Variants in TTC32 observed in about 807,000 individuals in gnomAD.
TTC32 encodes tetratricopeptide repeat protein 32.
Under a neutral mutation model 15.3 loss-of-function variants are expected in TTC32, and 16 were observed. That is an observed-to-expected ratio of 1.05 (90% confidence interval 0.71 to 1.59). The LOEUF (loss-of-function observed/expected upper bound fraction) is 1.59. TTC32 is among the 40% of genes most tolerant of loss of function. The pLI, the probability that TTC32 is intolerant of heterozygous loss-of-function variation, is 0.00. For missense variants in TTC32, 188 were observed against 181.9 expected, an observed-to-expected ratio of 1.03 and a Z score of -0.19; for synonymous variants, 89 against 67.8, an observed-to-expected ratio of 1.31 and a Z score of -1.53.
Position 19,897,001 on chromosome 2 carries a change from C to G in TTC32, c.442G>C (p.Ala148Pro). Residue 148 changes from alanine (A) to proline (P), a missense_variant, in exon 3 of 3, where the codon GCA becomes CCA. Coordinates refer to ENST00000333610, the MANE Select transcript of TTC32 (RefSeq NM_001008237.3). ...AGTTAAAAATATCAATAATTTTTTG[C>G]AACATTTCTTCTTTGTTTTTCTTCT... ...DKEEKQRRNV[A>P]KNY The G allele has an allele frequency of 6.3e-7, 1 of 1,580,172 alleles. No individual in the cohort carries two copies. Among genetic ancestry groups the G allele is most frequent in the East Asian group, 2.3e-5 (1 of 43,632 alleles).
In TTC32 at chr2:19,901,983, T is replaced by A; in HGVS notation, c.-129A>T. On this transcript the variant is annotated 5_prime_UTR_variant, in exon 1 of 3. Coordinates refer to ENST00000333610, the MANE Select transcript of TTC32 (RefSeq NM_001008237.3). Reference sequence around the variant, plus strand: ...CCAACCTTGGCGCTAGGTTTGTGCCTTATGGGGATCCGTCGTCTCGCGAGA... The same window carrying A: ...CCAACCTTGGCGCTAGGTTTGTGCCATATGGGGATCCGTCGTCTCGCGAGA... The A allele has an allele frequency of 8.7e-7, 1 of 1,151,218 alleles. No individual in the cohort carries two copies. The highest frequency in any genetic ancestry group is 1.2e-6 in the Non-Finnish European group (1 of 816,476). 71.3% of individuals were successfully genotyped at this position (1,151,218 alleles called of 1,614,324 possible).
intron 1 of TTC32, chr2:19,901,188 C>T (rs946598016): frequency 2.5e-6 from 1 of 407,486 alleles, no homozygotes; most frequent in African/African-American, 2.1e-5. Context: ...GTTCGTTATG[C>T]TCTCTTCCAC....
In TTC32 at chr2:19,901,894, A is replaced by G. The variant is rs1669614554; in HGVS notation, c.-40T>C. 1 of 1,610,682 alleles carries G rather than the reference A, an allele frequency of 6.2e-7. No homozygotes were observed. Among genetic ancestry groups the G allele is most frequent in the African/African-American group, 1.3e-5 (1 of 74,822 alleles). Reference sequence around the variant, plus strand: ...AGTTTTCGGTGTAGAATGGGGGTTGACCTCCGAGCGGTTAGAGGTGGCACC... The same window carrying G: ...AGTTTTCGGTGTAGAATGGGGGTTGGCCTCCGAGCGGTTAGAGGTGGCACC... On this transcript the variant is annotated 5_prime_UTR_variant, in exon 1 of 3. Transcript: ENST00000333610.
chr2:19,898,876 T>G (rs1191311305), intron 1 of TTC32, among the ~76,000 whole-genome samples: 1 of 152,252 alleles, frequency 6.6e-6, no homozygotes. Context: ...AGAACATTAG[T>G]GCCTCTGCTC....
Position 19,901,909 on chromosome 2 carries a change from G to C in TTC32, c.-55C>G. 6 of 1,603,412 alleles carry C rather than the reference G, an allele frequency of 3.7e-6. No individual in the cohort carries two copies. In the South Asian group the frequency reaches 4.5e-5, roughly 12 times the overall value. ...ATGGGGGTTGACCTCCGAGCGGTTA[G>C]AGGTGGCACCACAAAGCCACTTCCA... On this transcript the variant is annotated 5_prime_UTR_variant, in exon 1 of 3. Coordinates refer to ENST00000333610, the MANE Select transcript of TTC32 (RefSeq NM_001008237.3).
chr2:19,899,405 TTA>T (rs1307608155), intron 1 of TTC32, among the ~76,000 whole-genome samples: 2 of 152,202 alleles, frequency 1.3e-5, no homozygotes, highest in Non-Finnish European at 2.9e-5. Context: ...AAAATTATTG[TTA>T]TAAGTTTTTA....
chr2:19,901,713 G>C lies in TTC32; in HGVS notation c.142C>G (p.Pro48Ala), dbSNP rs1669609090. 2 of 1,612,236 alleles carry C rather than the reference G, an allele frequency of 1.2e-6. No homozygotes were observed. Among genetic ancestry groups the C allele is most frequent in the Non-Finnish European group, 8.5e-7 (1 of 1,178,628 alleles). ...AGGTCTCGCGATAGTTACCTCCCGG[G>C]ACTCTCGTCGCTGGAGGCCGCGCAA... is the stretch of plus-strand genomic sequence containing the variant. ...CACAASSDESPGSKCSPEDLA... is the reference protein window; with the variant it reads ...CACAASSDESAGSKCSPEDLA... The change falls in exon 1 of 3, where the codon CCC becomes GCC. Residue 48 changes from proline to alanine, a missense_variant. Coordinates refer to ENST00000333610, the MANE Select transcript of TTC32 (RefSeq NM_001008237.3).
intron 2 of TTC32, 21 bp from the exon 3 acceptor site, chr2:19,897,147 T>C (rs1669523353): frequency 6.4e-7 from 1 of 1,574,664 alleles, no homozygotes; most frequent in East Asian, 2.3e-5. Context: ...ACCCAAAAAA[T>C]GGAAAAGAGA....
At chr2:19,897,454 T>C (rs1222487877) in intron 2 of TTC32, among the ~76,000 whole-genome samples, 3 of 152,234 alleles carry the variant, frequency 2.0e-5, no homozygotes, top group Non-Finnish European at 4.4e-5. Context: ...CGGGAACTAA[T>C]TTTCTTTTTG....
intron 1 of TTC32, among the ~76,000 whole-genome samples, chr2:19,898,678 C>A (rs1196385038): frequency 6.6e-6 from 1 of 152,174 alleles, no homozygotes; most frequent in Non-Finnish European, 1.5e-5. Flanking sequence ...GGGCTCCAGT[C>A]AATTTTGATG....
rs778280375 is a variant in TTC32, at chr2:19,901,705, C to T, written c.149+1G>A. On this transcript the variant is annotated splice_donor_variant, in intron 1 of 2. Coordinates refer to ENST00000333610, the MANE Select transcript of TTC32 (RefSeq NM_001008237.3). LOFTEE classifies it high-confidence loss of function. ...GCGGCCCCAGGTCTCGCGATAGTTA[C>T]CTCCCGGGACTCTCGTCGCTGGAGG... 25 of 1,609,722 alleles carry T rather than the reference C, an allele frequency of 1.6e-5. No individual in the cohort carries two copies. The highest frequency in any genetic ancestry group is 2.0e-5 in the Non-Finnish European group (23 of 1,176,892).
chr2:19,901,047 A>ATT (rs766732828), intron 1 of TTC32: 3 of 470,588 alleles, frequency 6.4e-6, no homozygotes, highest in South Asian at 4.7e-5. Context: ...GTCGATCAGA[A>ATT]TGGTTCCAAC....
intron 1 of TTC32, chr2:19,901,435 G>A (rs1381695746): frequency 4.9e-6 from 2 of 411,136 alleles, no homozygotes; most frequent in Admixed American, 4.8e-5. Flanking sequence ...CCGCGCCCGA[G>A]GATCGCGCAG....
In TTC32 at chr2:19,898,014, C is replaced by A; in HGVS notation, c.171G>T (p.Leu57Phe). 6.3e-7 allele frequency: 1 copy of A among 1,582,896 alleles called. No homozygotes were observed. The highest frequency in any genetic ancestry group is 1.8e-5 in the Admixed American group (1 of 56,824). The part of the protein sequence containing the change: ...SPGSKCSPED[L>F]ATAYNNRGQI... ...GCCCCCTGTTGTTATATGCAGTAGCCAAATCCTCAGGGCTGCATTTGCTTT... is the reference window on the plus strand; with the variant it reads ...GCCCCCTGTTGTTATATGCAGTAGCAAAATCCTCAGGGCTGCATTTGCTTT... The change falls in exon 2 of 3, where the codon TTG becomes TTT. Residue 57 changes from leucine (L) to phenylalanine (F), a missense_variant. Physicochemically the swap from Leu to Phe is conservative, Grantham distance 22 (BLOSUM62 0). Transcript: ENST00000333610.
intron 1 of TTC32, chr2:19,901,440 G>C (rs1295465718): frequency 2.6e-6 from 1 of 387,964 alleles, no homozygotes; most frequent in Admixed American, 5.7e-5. Context: ...CCCGAGGATC[G>C]CGCAGAGGGC....
chr2:19,901,084 T>C (rs1421605517), intron 1 of TTC32: 4 of 471,174 alleles, frequency 8.5e-6, no homozygotes, highest in South Asian at 4.6e-5. Flanking sequence ...TAAGTAACTA[T>C]GTGATGATGA....
chr2:19,901,489 G>T (rs1212206146), intron 1 of TTC32: 2 of 584,760 alleles, frequency 3.4e-6, no homozygotes, highest in Admixed American at 6.9e-5. Context: ...CGCGGCAGCT[G>T]GCTCCTCACG....
intron 1 of TTC32, chr2:19,901,381 A>C: frequency 3.0e-6 from 1 of 332,794 alleles, no homozygotes; most frequent in Non-Finnish European, 5.7e-6. Flanking sequence ...CTGGGTGCGA[A>C]TGAGGAACGT....
chr2:19,901,935 C>T lies in TTC32; in HGVS notation c.-81G>A. 1 of 1,551,730 alleles carries T rather than the reference C, an allele frequency of 6.4e-7. No homozygotes were observed. The highest frequency in any genetic ancestry group is 8.8e-7 in the Non-Finnish European group (1 of 1,135,044). On this transcript the variant is annotated 5_prime_UTR_variant, in exon 1 of 3. In the 5' UTR this introduces an upstream ATG that the reference lacks. Coordinates refer to ENST00000333610, the MANE Select transcript of TTC32 (RefSeq NM_001008237.3). ...AGGTGGCACCACAAAGCCACTTCCACACCCTGGAATCTACCTTGACAGCCA... is the reference window on the plus strand; with the variant it reads ...AGGTGGCACCACAAAGCCACTTCCATACCCTGGAATCTACCTTGACAGCCA...
Sources: allele counts gnomAD v4.1 joint callset (sites outside exome capture counted in the v4.1 genomes callset), GRCh38; gene constraint gnomAD v4.1.1; transcripts MANE v1.5; gene names NCBI Gene and HGNC (gene_info 2026-07-23, HGNC 2026-07-21).